The following PDE4B variants were observed in gnomAD, a reference collection of about 807,000 sequenced individuals.
PDE4B encodes the protein 3',5'-cyclic-AMP phosphodiesterase 4B.
A neutral mutation model predicts 82.2 loss-of-function variants in PDE4B; 20 were observed. The observed-to-expected ratio is 0.24, with a 90% CI of 0.17 to 0.35. The LOEUF is 0.35. Ranked by LOEUF, PDE4B falls within the 10% of genes least tolerant of loss-of-function variation. The probability of loss-of-function intolerance (pLI) is 1.00; values close to 1 mark genes in which losing one functional copy is unlikely to be tolerated. For missense variants in PDE4B, 655 were observed against 907.2 expected (o/e 0.72, Z 3.57); for synonymous variants, 320 against 318.9 (o/e 1.00, Z -0.04).
chr1:65,823,811 T>C (rs1461407121), intron 1 of PDE4B, among the ~76,000 whole-genome samples: 1 of 152,324 alleles, frequency 6.6e-6, no homozygotes, highest in East Asian at 1.9e-4. Context: ...GATTCTAATA[T>C]CTTGTTATGT....
chr1:65,931,020 G>A (rs1647802295), intron 3 of PDE4B, among the ~76,000 whole-genome samples: 1 of 152,176 alleles, frequency 6.6e-6, no homozygotes, highest in Admixed American at 6.5e-5. Context: ...GGATCATGGG[G>A]GCACTTTCAC....
intron 7 of PDE4B, chr1:66,267,650 G>A (rs1436468408): frequency 6.6e-6 from 1 of 152,164 alleles, no homozygotes; most frequent in East Asian, 1.9e-4. Flanking sequence ...CTCAAACAAT[G>A]GAGCAAAGAA....
intron 3 of PDE4B, among the ~76,000 whole-genome samples, chr1:66,209,513 T>C (rs1649854696): frequency 6.6e-6 from 1 of 152,212 alleles, no homozygotes; most frequent in Non-Finnish European, 1.5e-5. Flanking sequence ...CAGCACGTAA[T>C]TTTTAAACCA....
intron 4 of PDE4B, among the ~76,000 whole-genome samples, chr1:66,251,317 C>T (rs953947222): frequency 3.3e-5 from 5 of 152,026 alleles, no homozygotes; most frequent in South Asian, 2.1e-4. Flanking sequence ...AGTGACTTCT[C>T]CAATAAATGG....
At chr1:66,369,551 A>G (rs770433017) in intron 16 of PDE4B, among the ~76,000 whole-genome samples, 7 of 152,236 alleles carry the variant, frequency 4.6e-5, no homozygotes, top group Non-Finnish European at 1.0e-4. Context: ...TGGAGGGGTG[A>G]ATACAGAAAT....
chr1:65,840,597 C>T (rs1646196264), intron 1 of PDE4B, among the ~76,000 whole-genome samples: 1 of 152,008 alleles, frequency 6.6e-6, no homozygotes, highest in Non-Finnish European at 1.5e-5. Flanking sequence ...AAAAAGTTCC[C>T]AGAAAATGCG....
At chr1:65,883,095 A>T (rs946136032) in intron 1 of PDE4B, among the ~76,000 whole-genome samples, 1 of 152,208 alleles carries the variant, frequency 6.6e-6, no homozygotes, top group African/African-American at 2.4e-5. Context: ...TAAGAGAATT[A>T]GATGAGACTC....
chr1:66,085,021 C>A (rs560663854), intron 3 of PDE4B, among the ~76,000 whole-genome samples: 2 of 152,200 alleles, frequency 1.3e-5, no homozygotes, highest in African/African-American at 4.8e-5. Context: ...TTAGGATGCA[C>A]CAAGTATCAC....
At chr1:66,308,876 T>C (rs1658471130) in intron 7 of PDE4B, among the ~76,000 whole-genome samples, 1 of 152,176 alleles carries the variant, frequency 6.6e-6, no homozygotes, top group Non-Finnish European at 1.5e-5. Flanking sequence ...AACATTGCAT[T>C]TAGATATAGT....
chr1:65,980,516 T>A (rs954330488), intron 3 of PDE4B, among the ~76,000 whole-genome samples: 3 of 152,216 alleles, frequency 2.0e-5, no homozygotes, highest in Non-Finnish European at 2.9e-5. Context: ...TATAAATCAC[T>A]TGTTATAAAA....
chr1:65,934,003 T>G (rs1398096956), intron 3 of PDE4B, among the ~76,000 whole-genome samples: 1 of 152,120 alleles, frequency 6.6e-6, no homozygotes, highest in Non-Finnish European at 1.5e-5. Context: ...GTAGAGAAAT[T>G]GAATGTAAGT....
chr1:66,145,636 A>T (rs1646254060), intron 3 of PDE4B, among the ~76,000 whole-genome samples: 1 of 152,182 alleles, frequency 6.6e-6, no homozygotes, highest in Non-Finnish European at 1.5e-5. Context: ...TTGGAGGTCA[A>T]GTCATTTCTG....
intron 1 of PDE4B, among the ~76,000 whole-genome samples, chr1:65,800,871 C>T (rs191248861): frequency 2.8e-4 from 42 of 152,246 alleles, no homozygotes; most frequent in African/African-American, 8.4e-4. Context: ...ATAATGACAA[C>T]GGTCATGATG....
chr1:66,107,283 T>A (rs1351104066), intron 3 of PDE4B, among the ~76,000 whole-genome samples: 1 of 152,116 alleles, frequency 6.6e-6, no homozygotes, highest in East Asian at 1.9e-4. Flanking sequence ...TCTAGTCTGA[T>A]TGCACTGTGG....
rs114455919 is a variant in PDE4B at position 66,284,005 on chromosome 1, G to A, written c.634+17918G>A. 7.9e-3 allele frequency among the ~76,000 whole-genome samples: 1,202 copies of A among 152,254 alleles called. 14 individuals carry two copies. Among genetic ancestry groups the A allele is most frequent in the African/African-American group, 0.028 (1,160 of 41,544 alleles). On this transcript the variant is annotated intron_variant, in intron 7 of 16. Transcript: ENST00000341517. Reference sequence around the variant, plus strand: ...TCAGGCATTATGCCTGGGTAATGCTGGATAATGGAGATACAGAAATGAATA... The same window carrying A: ...TCAGGCATTATGCCTGGGTAATGCTAGATAATGGAGATACAGAAATGAATA...
intron 3 of PDE4B, among the ~76,000 whole-genome samples, chr1:66,079,418 A>G (rs914843154): frequency 2.0e-5 from 3 of 152,116 alleles, no homozygotes; most frequent in Non-Finnish European, 4.4e-5. Flanking sequence ...GGCAGCCTAC[A>G]GGTTACATGT....
intron 7 of PDE4B, among the ~76,000 whole-genome samples, chr1:66,302,963 C>A (rs181765655): frequency 6.6e-6 from 1 of 152,154 alleles, no homozygotes; most frequent in African/African-American, 2.4e-5. Flanking sequence ...AGACCCAAGA[C>A]CTTGCTAGAT....
At chr1:66,254,902 T>TAG (rs1654074307) in intron 4 of PDE4B, among the ~76,000 whole-genome samples, 1 of 152,140 alleles carries the variant, frequency 6.6e-6, no homozygotes, top group Non-Finnish European at 1.5e-5. Flanking sequence ...CACTCCAATC[T>TAG]ATCCCTCCAC....
intron 3 of PDE4B, among the ~76,000 whole-genome samples, chr1:66,159,623 T>C (rs767161461): frequency 1.3e-5 from 2 of 152,188 alleles, no homozygotes; most frequent in African/African-American, 2.4e-5. Flanking sequence ...GTGCTATAGA[T>C]AATAGGATTT....
Sources: gnomAD v4.1 joint callset for allele counts (sites outside exome capture counted in the v4.1 genomes callset) on GRCh38, gnomAD v4.1.1 for gene constraint, MANE v1.5 for transcripts, NCBI Gene and HGNC (gene_info 2026-07-23, HGNC 2026-07-21) for gene names.